The following CFAP20 variants were observed in gnomAD, a reference collection of about 807,000 sequenced individuals.
CFAP20 encodes cilia and flagella associated protein 20.
A neutral mutation model predicts 25.5 loss-of-function variants in CFAP20; 14 were observed. The ratio of observed to expected loss-of-function variants is 0.55; its 90% CI spans 0.36 to 0.86. The LOEUF is 0.86. CFAP20 is among the 40% of genes least tolerant of loss of function. The pLI is 0.01. For synonymous variants in CFAP20, 75 were observed against 91.1 expected (o/e 0.82, Z 1.01); for missense variants, 181 against 248.0 (o/e 0.73, Z 1.81).
Position 58,129,061 on chromosome 16 carries a change from T to C in CFAP20, c.55A>G (p.Ser19Gly). ...TTGTCCCAGATTTGCAGAGGCTTGCTGCCGATGCTGTAGAGGATGGAGAGG... is the reference window on the plus strand; with the variant it reads ...TTGTCCCAGATTTGCAGAGGCTTGCCGCCGATGCTGTAGAGGATGGAGAGG... ...GFLSILYSIG[S>G]KPLQIWDKKV... Residue 19 changes from serine to glycine, a missense_variant, in exon 1 of 6, where the codon AGC becomes GGC. Ser to Gly is a moderately conservative substitution (Grantham distance 56). Transcript: ENST00000262498. The C allele has an allele frequency of 1.9e-6, 3 of 1,613,472 alleles. No individual in the cohort carries two copies. Among genetic ancestry groups the C allele is most frequent in the East Asian group, 2.2e-5 (1 of 44,836 alleles).
In CFAP20 at chr16:58,129,315, A is replaced by G. The variant is rs1597090877; in HGVS notation, c.-200T>C. 7.0e-6 allele frequency: 4 copies of G among 573,732 alleles called. No homozygotes were observed. In the East Asian group the frequency reaches 1.2e-4, roughly 17 times the overall value. The allele number at this position is 573,732 out of a possible 1,614,324, so 35.5% of individuals were successfully genotyped here. A position where few individuals can be genotyped will look rare whatever the true frequency, so the allele number is the denominator to read the frequency against. On this transcript the variant is annotated 5_prime_UTR_variant, in exon 1 of 6. Transcript: ENST00000262498. ...CTAAGTCCGCGATCTTCAGCTCCTA[A>G]GCTGCGAGCTCAGAACGGAAACCAC... is the stretch of plus-strand genomic sequence containing the variant.
intron 3 of CFAP20, chr16:58,115,798 C>T (rs1257228279): frequency 7.8e-6 from 4 of 510,308 alleles, no homozygotes; most frequent in African/African-American, 7.6e-5. Context: ...AAATGGATAC[C>T]ACGCTAACTC....
intron 1 of CFAP20, among the ~76,000 whole-genome samples, chr16:58,118,234 CT>C (rs1382629258): frequency 1.3e-5 from 2 of 152,210 alleles, no homozygotes; most frequent in African/African-American, 4.8e-5. Flanking sequence ...AATCCCAGCA[CT>C]TTGGGAGGCC....
intron 1 of CFAP20, among the ~76,000 whole-genome samples, chr16:58,127,461 C>T (rs535056143): frequency 2.0e-5 from 3 of 152,338 alleles, no homozygotes; most frequent in South Asian, 2.1e-4. Context: ...CAGAGGGCCC[C>T]CCTCTCTTCA....
At position 58,115,520 on chromosome 16, in the gene CFAP20, C is replaced by G. The variant is rs558348623; in HGVS notation, c.277-63G>C. The G allele has an allele frequency of 3.5e-5, 55 of 1,567,296 alleles. No individual in the cohort carries two copies. The African/African-American group carries it at 6.1e-4, about 17-fold the overall frequency. ...TCTTGGAAGAAGCACACAACCTTGT[C>G]CAGACAAGGACCTGAATTCCCACAG... On this transcript the variant is annotated intron_variant, in intron 3 of 5. Coordinates refer to ENST00000262498, the MANE Select transcript of CFAP20 (RefSeq NM_013242.3).
chr16:58,115,729 T>C, intron 3 of CFAP20: 1 of 541,248 alleles, frequency 1.8e-6, no homozygotes, highest in South Asian at 2.3e-5. Context: ...TGTTCTTCCT[T>C]TTGAAAAATC....
At chr16:58,118,814 C>G (rs1386422007) in intron 1 of CFAP20, among the ~76,000 whole-genome samples, 1 of 152,054 alleles carries the variant, frequency 6.6e-6, no homozygotes, top group Non-Finnish European at 1.5e-5. Flanking sequence ...AGAGTGAGAT[C>G]CTGTCTCAAA....
rs941715829 is a variant in CFAP20 at position 58,113,860 on chromosome 16, T to TTACG, written c.*161_*164dup. On this transcript the variant is annotated 3_prime_UTR_variant, in exon 6 of 6. Coordinates refer to ENST00000262498, the MANE Select transcript of CFAP20 (RefSeq NM_013242.3). Reference sequence around the variant, plus strand: ...CTGCACTTACAATGCAGTCACAGAGTTACGGCATGTTCACCGGTGTCCATG... The same window carrying TTACG: ...CTGCACTTACAATGCAGTCACAGAGTTACGTACGGCATGTTCACCGGTGTCCATG... The TTACG allele has an allele frequency of 1.2e-5, 9 of 770,540 alleles. No individual in the cohort carries two copies. Among genetic ancestry groups the TTACG allele is most frequent in the Non-Finnish European group, 2.0e-5 (9 of 460,800 alleles). The allele number at this position is 770,540 out of a possible 1,614,324, so 47.7% of individuals were successfully genotyped here. A position where few individuals can be genotyped will look rare whatever the true frequency, so the allele number is the denominator to read the frequency against.
At chr16:58,125,930 C>T (rs1042067350) in intron 1 of CFAP20, among the ~76,000 whole-genome samples, 2 of 152,218 alleles carry the variant, frequency 1.3e-5, no homozygotes, top group Admixed American at 6.5e-5. Flanking sequence ...TATGGCACCA[C>T]TGTCATGTGT....
chr16:58,129,227 GGTGGTTGAGCTCCTGGC>G lies in CFAP20; in HGVS notation c.-129_-113del. On this transcript the variant is annotated 5_prime_UTR_variant, in exon 1 of 6. Transcript: ENST00000262498. The stretch of plus-strand genomic sequence containing the variant: ...GCAGGCCGGCCCTGTTCCGAAGAAG[GGTGGTTGAGCTCCTGGC>G]CTCCGGATCTGCAGCCACTGATGGC... 1 of 1,179,646 alleles carries G rather than the reference GGTGGTTGAGCTCCTGGC, an allele frequency of 8.5e-7. No individual in the cohort carries two copies. Among genetic ancestry groups the G allele is most frequent in the Non-Finnish European group, 1.2e-6 (1 of 832,288 alleles). The allele number at this position is 1,179,646 out of a possible 1,614,324, so 73.1% of individuals were successfully genotyped here. A position where few individuals can be genotyped will look rare whatever the true frequency, so the allele number is the denominator to read the frequency against.
chr16:58,115,620 C>T (rs560249668), intron 3 of CFAP20, 163 bp from the exon 4 acceptor site: 1 of 752,778 alleles, frequency 1.3e-6, no homozygotes, highest in South Asian at 1.8e-5. Context: ...TGCAGATGGC[C>T]CGGAAGTAGC....
chr16:58,127,596 T>C (rs565090100), intron 1 of CFAP20, among the ~76,000 whole-genome samples: 1 of 152,188 alleles, frequency 6.6e-6, no homozygotes, highest in Non-Finnish European at 1.5e-5. Context: ...CTTTATTCCA[T>C]TGTGAAAAAA....
intron 1 of CFAP20, among the ~76,000 whole-genome samples, chr16:58,121,394 T>C (rs966668967): frequency 2.0e-5 from 3 of 152,234 alleles, no homozygotes; most frequent in Non-Finnish European, 4.4e-5. Context: ...AAGCAGGTTT[T>C]AACATGTTCT....
At chr16:58,128,741 G>A (rs1427516903) in intron 1 of CFAP20, among the ~76,000 whole-genome samples, 1 of 151,920 alleles carries the variant, frequency 6.6e-6, no homozygotes, top group Admixed American at 6.6e-5. Context: ...TGGACTGACC[G>A]ACCAAGTCAA....
chr16:58,114,501 G>A (rs1960429251), intron 5 of CFAP20, among the ~76,000 whole-genome samples: 1 of 149,488 alleles, frequency 6.7e-6, no homozygotes, highest in Non-Finnish European at 1.5e-5. Flanking sequence ...ACTCTAGCCT[G>A]GGCAACAGGG....
At chr16:58,124,213 G>A (rs1483986118) in intron 1 of CFAP20, among the ~76,000 whole-genome samples, 2 of 152,162 alleles carry the variant, frequency 1.3e-5, no homozygotes, top group African/African-American at 4.8e-5. Flanking sequence ...GGCGAGCCAC[G>A]GTGCAACAAC....
chr16:58,116,272 C>T (rs1960457188), intron 2 of CFAP20, 120 bp from the exon 3 acceptor site: 7 of 659,764 alleles, frequency 1.1e-5, no homozygotes, highest in East Asian at 5.5e-5. Flanking sequence ...GATTCAGACA[C>T]GCCACCCAGT....
At chr16:58,122,410 T>A (rs1279446591) in intron 1 of CFAP20, among the ~76,000 whole-genome samples, 1 of 152,006 alleles carries the variant, frequency 6.6e-6, no homozygotes, top group Non-Finnish European at 1.5e-5. Context: ...TGAAACCCCA[T>A]CTCTACTAAA....
intron 1 of CFAP20, among the ~76,000 whole-genome samples, chr16:58,119,596 A>T (rs931396085): frequency 1.3e-5 from 2 of 152,204 alleles, no homozygotes; most frequent in Admixed American, 6.5e-5. Flanking sequence ...CTGCCAATGG[A>T]GCATTTCTTA....
Sources: allele counts gnomAD v4.1 joint callset (sites outside exome capture counted in the v4.1 genomes callset), GRCh38; gene constraint gnomAD v4.1.1; transcripts MANE v1.5; gene names NCBI Gene and HGNC (gene_info 2026-07-23, HGNC 2026-07-21).